The following CELSR1 variants were observed in gnomAD, a reference collection of about 807,000 sequenced individuals.
CELSR1 encodes the protein cadherin EGF LAG seven-pass G-type receptor 1.
In CELSR1, 110 loss-of-function variants were observed where a neutral mutation model predicts 249.1. That is an observed-to-expected ratio of 0.44 (90% confidence interval 0.38 to 0.52). The LOEUF is 0.52. CELSR1 is among the 20% of genes least tolerant of loss of function. The pLI, the probability that CELSR1 is intolerant of heterozygous loss-of-function variation, is 0.00. For missense variants in CELSR1, 4,109 were observed against 4,296.4 expected, an observed-to-expected ratio of 0.96 and a Z score of 1.22; for synonymous variants, 2,113 against 1,900.0, an observed-to-expected ratio of 1.11 and a Z score of -2.92.
chr22:46,406,835 C>A lies in CELSR1; in HGVS notation c.5226+2161G>T, dbSNP rs1354439496. On this transcript the variant is annotated intron_variant, in intron 9 of 34. Coordinates refer to ENST00000674500, the MANE Select transcript of CELSR1 (RefSeq NM_001378328.1). This position sits in a 1 kb window ranked among gnomAD's most constrained non-coding sequence, Gnocchi z 5.4. The stretch of plus-strand genomic sequence containing the variant: ...CACCTCTCACCATCTGACCTTAGCC[C>A]AGCTTCCCCTGATGCGGGATGGTGT... 2.6e-5 allele frequency among the ~76,000 whole-genome samples: 4 copies of A among 152,114 alleles called. No individual in the cohort carries two copies. The highest frequency in any genetic ancestry group is 7.2e-5 in the African/African-American group (3 of 41,412).
Position 46,401,824 on chromosome 22 carries a change from T to TG in CELSR1, c.5227-1923dup, listed in dbSNP as rs1205302431. Among the ~76,000 whole-genome samples, 1 of 152,190 alleles carries TG rather than the reference T, an allele frequency of 6.6e-6. No individual in the cohort carries two copies. The highest frequency in any genetic ancestry group is 2.4e-5 in the African/African-American group (1 of 41,444). On this transcript the variant is annotated intron_variant, in intron 9 of 34. Transcript: ENST00000674500. The surrounding 1 kb of genome is among the most constrained non-coding windows in gnomAD (Gnocchi z 4.7). ...GCTTTGAACCACCTCAGTCTGTGAC[T>TG]GCATTAAACTCTGTGACTTTGGGAG...
chr22:46,450,930 C>T (rs1025869866), intron 2 of CELSR1, among the ~76,000 whole-genome samples: 9 of 152,310 alleles, frequency 5.9e-5, no homozygotes, highest in African/African-American at 9.6e-5. Flanking sequence ...TCATTTGGTA[C>T]GGCTGTGAGC....
Position 46,512,607 on chromosome 22 carries a change from T to C in CELSR1, c.3544+21020A>G, listed in dbSNP as rs1569211418. ...AAAAATCAAGGCCCAATACTATGCA[T>C]TGCCTTGACATCTGCTGAAGCCAGG... is the stretch of plus-strand genomic sequence containing the variant. On this transcript the variant is annotated intron_variant, in intron 1 of 34. Transcript: ENST00000674500. This position sits in a 1 kb window ranked among gnomAD's most constrained non-coding sequence, Gnocchi z 5.2. Among the ~76,000 whole-genome samples, 1 of 152,124 alleles carries C rather than the reference T, an allele frequency of 6.6e-6. No homozygotes were observed.
Position 46,381,513 on chromosome 22 carries a change from C to A in CELSR1, c.7088+333G>T, listed in dbSNP as rs2078977630. 6.6e-6 allele frequency among the ~76,000 whole-genome samples: 1 copy of A among 152,196 alleles called. No homozygotes were observed. The highest frequency in any genetic ancestry group is 2.1e-4 in the South Asian group (1 of 4,830). The stretch of plus-strand genomic sequence containing the variant: ...CCCCGGGGCCAGCAGCAGGCACTAC[C>A]CATGACAGCCTTGGGCCAGGTGTGT... On this transcript the variant is annotated intron_variant, in intron 21 of 34. Transcript: ENST00000674500. This position sits in a 1 kb window ranked among gnomAD's most constrained non-coding sequence, Gnocchi z 6.0.
chr22:46,463,543 C>T (rs1024333002), intron 2 of CELSR1, among the ~76,000 whole-genome samples, 164 bp downstream of exon 2: 1 of 149,530 alleles, frequency 6.7e-6, no homozygotes, highest in Admixed American at 6.6e-5. Flanking sequence ...AAAAAAGTAC[C>T]GTTACTGAGA....
In CELSR1 at chr22:46,534,202, A is replaced by C; in HGVS notation, c.2969T>G (p.Leu990Trp). 6.2e-7 allele frequency: 1 copy of C among 1,613,890 alleles called. No individual in the cohort carries two copies. The change falls in exon 1 of 35, where the codon TTG becomes TGG. Residue 990 changes from leucine (L) to tryptophan (W), a missense_variant. Physicochemically the swap from Leu to Trp is moderately conservative, Grantham distance 61. Around this residue, in one of 7 missense-constraint regions of CELSR1, gnomAD observed 886 missense variants for 896.5 expected, o/e 0.99. Transcript: ENST00000674500. This position sits in a 1 kb window ranked among gnomAD's most constrained non-coding sequence, Gnocchi z 9.7. ...SASVEIQVTILDINDNAPMFE... is the reference protein window; with the variant it reads ...SASVEIQVTIWDINDNAPMFE... ...CATGGGGGCATTGTCATTAATGTCC[A>C]AGATGGTCACCTGGATTTCTACCGA...
chr22:46,367,904 C>T, intron 27 of CELSR1, 49 bp from the exon 28 acceptor site: 1 of 1,563,828 alleles, frequency 6.4e-7, no homozygotes, highest in Non-Finnish European at 8.7e-7. Flanking sequence ...CACCTGCTCC[C>T]TTCCTCCCTC....
intron 2 of CELSR1, among the ~76,000 whole-genome samples, chr22:46,456,686 A>G (rs58671170): frequency 0.024 from 3,597 of 148,310 alleles, 184 homozygotes; most frequent in African/African-American, 0.084. Flanking sequence ...AAAAAAAAAA[A>G]AGAGAACCCA....
Position 46,517,904 on chromosome 22 carries a change from C to CTTT in CELSR1, c.3544+15720_3544+15722dup, listed in dbSNP as rs11370514. 6.5e-4 allele frequency among the ~76,000 whole-genome samples: 90 copies of CTTT among 138,348 alleles called. No homozygotes were observed. The highest frequency in any genetic ancestry group is 2.2e-3 in the African/African-American group (83 of 37,402). 90.8% of individuals were successfully genotyped at this position (138,348 alleles called of 152,430 possible). ...ACACACCTCCCACGGTGTCCCCTTCCTTTTTTTTTTTTTTTGAGACAGAGT... is the reference window on the plus strand; with the variant it reads ...ACACACCTCCCACGGTGTCCCCTTCCTTTTTTTTTTTTTTTTTTGAGACAGAGT... On this transcript the variant is annotated intron_variant, in intron 1 of 34. Coordinates refer to ENST00000674500, the MANE Select transcript of CELSR1 (RefSeq NM_001378328.1). This position sits in a 1 kb window ranked among gnomAD's most constrained non-coding sequence, Gnocchi z 5.4.
chr22:46,457,976 C>T (rs1569178174), intron 2 of CELSR1, among the ~76,000 whole-genome samples: 1 of 152,242 alleles, frequency 6.6e-6, no homozygotes, highest in Non-Finnish European at 1.5e-5. Flanking sequence ...GTCTCATTTG[C>T]ACACGGTGCC....
At position 46,398,290 on chromosome 22, in the gene CELSR1, G is replaced by C. The variant is rs537674416; in HGVS notation, c.5526+234C>G. ...ACAAAGGCAGAGGGGCAGGTGGCTG[G>C]CATGGCGGTGGGGAGCTGTGGGGGC... is the stretch of plus-strand genomic sequence containing the variant. On this transcript the variant is annotated intron_variant, in intron 11 of 34. Transcript: ENST00000674500. This position sits in a 1 kb window ranked among gnomAD's most constrained non-coding sequence, Gnocchi z 7.2. Among the ~76,000 whole-genome samples, 1 of 152,274 alleles carries C rather than the reference G, an allele frequency of 6.6e-6. No individual in the cohort carries two copies. Among genetic ancestry groups the C allele is most frequent in the South Asian group, 2.1e-4 (1 of 4,834 alleles).
intron 2 of CELSR1, among the ~76,000 whole-genome samples, chr22:46,443,434 A>G (rs1430939746): frequency 1.3e-5 from 2 of 152,164 alleles, no homozygotes. Context: ...GGCAGAGAGG[A>G]GCGAGCCCTA....
chr22:46,508,178 C>T (rs2080534718), intron 1 of CELSR1, among the ~76,000 whole-genome samples: 2 of 152,080 alleles, frequency 1.3e-5, no homozygotes, highest in Non-Finnish European at 1.5e-5. Context: ...CAGCTGACCC[C>T]CTCCCACCCA....
At chr22:46,373,460 G>C in intron 24 of CELSR1, among the ~76,000 whole-genome samples, 1 of 141,476 alleles carries the variant, frequency 7.1e-6, no homozygotes, top group Non-Finnish European at 1.6e-5. Flanking sequence ...GGGTTGGGGG[G>C]GCAGCTTCAC....
intron 1 of CELSR1, among the ~76,000 whole-genome samples, chr22:46,465,749 G>C (rs1391815887): frequency 1.3e-5 from 2 of 152,238 alleles, no homozygotes; most frequent in Non-Finnish European, 1.5e-5. Flanking sequence ...CCACAGATGC[G>C]TGCAGGTGCA....
At position 46,362,050 on chromosome 22, in the gene CELSR1, C is replaced by G. The variant is rs2078710203; in HGVS notation, c.*1173G>C. On this transcript the variant is annotated 3_prime_UTR_variant, in exon 35 of 35. Coordinates refer to ENST00000674500, the MANE Select transcript of CELSR1 (RefSeq NM_001378328.1). ...TGGTCAGACTCCAGAGGGGAGAACC[C>G]TGCCTGGAGATCCTCGCAGTCTCAG... 6.6e-6 allele frequency: 1 copy of G among 152,262 alleles called. No homozygotes were observed. Among genetic ancestry groups the G allele is most frequent in the Admixed American group, 6.5e-5 (1 of 15,294 alleles). 9.4% of individuals were successfully genotyped at this position (152,262 alleles called of 1,614,324 possible).
chr22:46,516,249 C>T (rs2080626433), intron 1 of CELSR1, among the ~76,000 whole-genome samples: 1 of 152,110 alleles, frequency 6.6e-6, no homozygotes. Context: ...AAATGTGGCA[C>T]ATATACACCA....
chr22:46,451,516 T>C (rs564981878), intron 2 of CELSR1, among the ~76,000 whole-genome samples: 1 of 152,338 alleles, frequency 6.6e-6, no homozygotes, highest in South Asian at 2.1e-4. Flanking sequence ...CTGCCGAACC[T>C]GAAGGATGGG....
Position 46,526,027 on chromosome 22 carries a change from C to T in CELSR1, c.3544+7600G>A, listed in dbSNP as rs887946914. Among the ~76,000 whole-genome samples, 2 of 152,256 alleles carry T rather than the reference C, an allele frequency of 1.3e-5. No homozygotes were observed. The highest frequency in any genetic ancestry group is 2.9e-5 in the Non-Finnish European group (2 of 68,046). ...TAGACTTTTAAAAATGGTCTCTCAA[C>T]ACCCTGGTCGGTACATGGGGCCAGA... On this transcript the variant is annotated intron_variant, in intron 1 of 34. Coordinates refer to ENST00000674500, the MANE Select transcript of CELSR1 (RefSeq NM_001378328.1). The surrounding 1 kb of genome is among the most constrained non-coding windows in gnomAD (Gnocchi z 4.7).
Sources: gnomAD v4.1 joint callset for allele counts (sites outside exome capture counted in the v4.1 genomes callset) on GRCh38, gnomAD v4.1.1 for gene constraint, gnomAD v4.1.1 regional missense constraint, Gnocchi (gnomAD v3.1) non-coding constraint, MANE v1.5 for transcripts, NCBI Gene and HGNC (gene_info 2026-07-23, HGNC 2026-07-21) for gene names.